Variants in ANK3 observed in about 807,000 individuals in gnomAD.
ANK3 encodes ankyrin 3, also known as ankyrin-3.
In ANK3, 57 loss-of-function variants were observed where a neutral mutation model predicts 370.9. That is an observed-to-expected ratio of 0.15 (90% CI 0.12 to 0.19). ANK3 has a LOEUF of 0.19. Ranked by LOEUF, ANK3 falls within the 10% of genes least tolerant of loss-of-function variation. The probability of loss-of-function intolerance (pLI) is 1.00; values close to 1 mark genes in which losing one functional copy is unlikely to be tolerated. For missense variants in ANK3, 4,439 were observed against 5,302.1 expected, an observed-to-expected ratio of 0.84 and a Z score of 5.06; for synonymous variants, 1,929 against 1,946.3, an observed-to-expected ratio of 0.99 and a Z score of 0.23.
At chr10:60,613,206 CAT>C (rs1260551861) in intron 2 of ANK3, among the ~76,000 whole-genome samples, 1 of 151,874 alleles carries the variant, frequency 6.6e-6, no homozygotes, top group Non-Finnish European at 1.5e-5. Context: ...ATTTCTAAAA[CAT>C]AGAGAATGCT....
At chr10:60,209,839 A>G (rs1264026133) in intron 9 of ANK3, among the ~76,000 whole-genome samples, 1 of 152,208 alleles carries the variant, frequency 6.6e-6, no homozygotes, top group Non-Finnish European at 1.5e-5. Flanking sequence ...AGTGGAGAGT[A>G]AAAATGGGAG....
At chr10:60,041,326 C>T (rs2076054664) in intron 43 of ANK3, among the ~76,000 whole-genome samples, 2 of 152,216 alleles carry the variant, frequency 1.3e-5, no homozygotes, top group African/African-American at 2.4e-5. Flanking sequence ...GACTGCTACT[C>T]ATTCTTTAAA....
intron 4 of ANK3, among the ~76,000 whole-genome samples, chr10:60,272,669 G>C (rs146972906): frequency 6.6e-6 from 1 of 152,140 alleles, no homozygotes; most frequent in African/African-American, 2.4e-5. Flanking sequence ...TAGCAGAGGT[G>C]GGGTTTCAAC....
intron 38 of ANK3, among the ~76,000 whole-genome samples, chr10:60,064,688 C>T (rs539946717): frequency 4.8e-4 from 69 of 144,972 alleles, no homozygotes; most frequent in African/African-American, 1.7e-3. Context: ...ACAACAACAA[C>T]AACAACAACA....
intron 2 of ANK3, among the ~76,000 whole-genome samples, chr10:60,593,244 T>C (rs911925563): frequency 1.3e-5 from 2 of 152,240 alleles, no homozygotes; most frequent in Non-Finnish European, 2.9e-5. Context: ...AGGTCCTCCA[T>C]ATCCAAGGAA....
At chr10:60,101,794 A>T (rs1048489995) in intron 28 of ANK3, among the ~76,000 whole-genome samples, 1 of 152,176 alleles carries the variant, frequency 6.6e-6, no homozygotes, top group African/African-American at 2.4e-5. Context: ...TTGCAGCTAC[A>T]GTTTTTCCTG....
chr10:60,184,725 A>G (rs1292980086), intron 17 of ANK3, among the ~76,000 whole-genome samples: 1 of 152,224 alleles, frequency 6.6e-6, no homozygotes, highest in Non-Finnish European at 1.5e-5. Flanking sequence ...CTATGAGGCT[A>G]AGATGAATTC....
chr10:60,105,446 A>C (rs992263378), intron 28 of ANK3, among the ~76,000 whole-genome samples: 2 of 152,300 alleles, frequency 1.3e-5, no homozygotes, highest in South Asian at 4.1e-4. Context: ...TTAAAGACTA[A>C]TTATGGCCCA....
intron 1 of ANK3, among the ~76,000 whole-genome samples, chr10:60,628,690 T>C (rs568558416): frequency 6.6e-6 from 1 of 152,262 alleles, no homozygotes; most frequent in African/African-American, 2.4e-5. Flanking sequence ...AATAAATAAA[T>C]AAATAAACCA....
chr10:60,424,695 C>T (rs943448516), intron 2 of ANK3, among the ~76,000 whole-genome samples: 3 of 152,008 alleles, frequency 2.0e-5, no homozygotes, highest in African/African-American at 7.2e-5. Context: ...TAGTTCTGAG[C>T]CTTGGGAAAG....
intron 1 of ANK3, among the ~76,000 whole-genome samples, chr10:60,374,524 G>A (rs916973498): frequency 7.9e-5 from 12 of 152,230 alleles, no homozygotes; most frequent in African/African-American, 2.6e-4. Context: ...GGTATGCTCT[G>A]GGGATGGTGA....
At chr10:60,521,242 C>A (rs945606197) in intron 2 of ANK3, among the ~76,000 whole-genome samples, 7 of 152,040 alleles carry the variant, frequency 4.6e-5, no homozygotes, top group African/African-American at 1.7e-4. Context: ...AGTCAAGTTG[C>A]AACAGTATAT....
chr10:60,132,219 T>G (rs183629474), intron 25 of ANK3, among the ~76,000 whole-genome samples: 1 of 152,288 alleles, frequency 6.6e-6, no homozygotes, highest in Non-Finnish European at 1.5e-5. Flanking sequence ...CTAGTGCTAA[T>G]ACCCATTTAA....
chr10:60,295,385 T>C lies in ANK3; in HGVS notation c.115-15746A>G, dbSNP rs183778598. Among the ~76,000 whole-genome samples the C allele has an allele frequency of 2.5e-4, 38 of 152,328 alleles. No individual in the cohort carries two copies. In the East Asian group the frequency reaches 6.7e-3, roughly 27 times the overall value. On this transcript the variant is annotated intron_variant, in intron 1 of 43. Coordinates refer to ENST00000280772, the MANE Select transcript of ANK3 (RefSeq NM_020987.5). The stretch of plus-strand genomic sequence containing the variant: ...TGTTGATATTAAAGGAGATAATACA[T>C]GCCGAGCAGTTAGAAATGGCATGGC...
At chr10:60,197,494 A>G (rs1257697468) in intron 14 of ANK3, among the ~76,000 whole-genome samples, 1 of 152,232 alleles carries the variant, frequency 6.6e-6, no homozygotes, top group Non-Finnish European at 1.5e-5. Context: ...CTGAATACTC[A>G]AGACCCTATC....
chr10:60,206,883 C>T (rs1435154616), intron 10 of ANK3, among the ~76,000 whole-genome samples: 1 of 152,198 alleles, frequency 6.6e-6, no homozygotes, highest in Non-Finnish European at 1.5e-5. Context: ...ACTGCAGGTG[C>T]TTTCACCGAG....
intron 2 of ANK3, among the ~76,000 whole-genome samples, chr10:60,404,837 G>C (rs2063421286): frequency 6.6e-6 from 1 of 152,014 alleles, no homozygotes; most frequent in African/African-American, 2.4e-5. Flanking sequence ...TCAGTGTCCA[G>C]AAAATATAAG....
chr10:60,589,415 T>C (rs772180672), intron 2 of ANK3, among the ~76,000 whole-genome samples: 2 of 152,248 alleles, frequency 1.3e-5, no homozygotes, highest in Non-Finnish European at 2.9e-5. Flanking sequence ...TAAATATTTA[T>C]GCATCTTCTA....
chr10:60,560,066 TAG>T (rs765176045), intron 2 of ANK3, among the ~76,000 whole-genome samples: 32 of 149,924 alleles, frequency 2.1e-4, no homozygotes, highest in Admixed American at 2.0e-4. Flanking sequence ...GATAGATGGA[TAG>T]AGAGAGAGAG....
Sources: allele counts gnomAD v4.1 joint callset (sites outside exome capture counted in the v4.1 genomes callset), GRCh38; gene constraint gnomAD v4.1.1; transcripts MANE v1.5; gene names NCBI Gene and HGNC (gene_info 2026-07-23, HGNC 2026-07-21).